Variants in STRN observed in about 807,000 individuals in gnomAD.
STRN encodes the protein striatin, also known as protein phosphatase 2 regulatory subunit B'''alpha.
Under a neutral mutation model 96.3 loss-of-function variants are expected in STRN, and 53 were observed. The ratio of observed to expected loss-of-function variants is 0.55; its 90% CI spans 0.44 to 0.69. The LOEUF (loss-of-function observed/expected upper bound fraction) is 0.69. Ranked by LOEUF, STRN falls within the 30% of genes least tolerant of loss-of-function variation. The pLI, the probability that STRN is intolerant of heterozygous loss-of-function variation, is 0.00. For missense variants in STRN, 987 were observed against 963.9 expected (o/e 1.02, Z -0.32); for synonymous variants, 428 against 355.9 (o/e 1.20, Z -2.28).
chr2:36,905,858 T>A (rs1208672252), intron 3 of STRN, among the ~76,000 whole-genome samples: 2 of 152,206 alleles, frequency 1.3e-5, no homozygotes, highest in African/African-American at 4.8e-5. Context: ...AAATACATTT[T>A]CCCTGTCTTT....
At chr2:36,959,117 A>G (rs560064043) in intron 1 of STRN, among the ~76,000 whole-genome samples, 88 of 152,316 alleles carry the variant, frequency 5.8e-4, no homozygotes, top group African/African-American at 1.9e-3. Context: ...CTCCATCTCA[A>G]AAAAAGAAAA....
chr2:36,891,788 T>C (rs1369803612), intron 7 of STRN, among the ~76,000 whole-genome samples: 1 of 152,212 alleles, frequency 6.6e-6, no homozygotes, highest in Admixed American at 6.5e-5. Flanking sequence ...TAGGAAACCT[T>C]TTCCTTGAAC....
chr2:36,943,459 G>C (rs994802644), intron 1 of STRN, among the ~76,000 whole-genome samples: 2 of 151,840 alleles, frequency 1.3e-5, no homozygotes. Context: ...ATTGTTCTAA[G>C]TATTATATTT....
chr2:36,896,817 T>A (rs1306183254), intron 6 of STRN, among the ~76,000 whole-genome samples: 1 of 152,224 alleles, frequency 6.6e-6, no homozygotes, highest in Non-Finnish European at 1.5e-5. Context: ...GCATGTATAA[T>A]CTCAGAGTTG....
chr2:36,891,111 G>T (rs1387501951), intron 7 of STRN, among the ~76,000 whole-genome samples: 2 of 152,144 alleles, frequency 1.3e-5, no homozygotes, highest in Non-Finnish European at 2.9e-5. Flanking sequence ...AAATATCATG[G>T]CAGTGCTCAA....
intron 6 of STRN, among the ~76,000 whole-genome samples, chr2:36,897,417 T>A (rs1294060086): frequency 6.7e-6 from 1 of 149,072 alleles, no homozygotes; most frequent in African/African-American, 2.5e-5. Flanking sequence ...AATATTTTTT[T>A]CCAAAAAAAA....
At chr2:36,954,443 C>T (rs1664832701) in intron 1 of STRN, among the ~76,000 whole-genome samples, 1 of 147,858 alleles carries the variant, frequency 6.8e-6, no homozygotes, top group African/African-American at 2.5e-5. Context: ...ACCCAGTAGG[C>T]AGAGGTTGCA....
chr2:36,931,933 G>A lies in STRN; in HGVS notation c.235-6725C>T, dbSNP rs561504259. Among the ~76,000 whole-genome samples, 37 of 151,882 alleles carry A rather than the reference G, an allele frequency of 2.4e-4. No individual in the cohort carries two copies. The South Asian group carries it at 7.3e-3, about 30-fold the overall frequency. On this transcript the variant is annotated intron_variant, in intron 1 of 17. Transcript: ENST00000263918. ...AATCCTGAACTCAATCAATTCTCCC[G>A]CCTCAGCCTCCCAAGTTGCTGGGAC...
intron 1 of STRN, among the ~76,000 whole-genome samples, chr2:36,959,788 T>G (rs1332003556): frequency 6.6e-6 from 1 of 152,096 alleles, no homozygotes; most frequent in African/African-American, 2.4e-5. Flanking sequence ...AAAAAACAAC[T>G]AAAGCAGTGG....
Position 36,848,341 on chromosome 2 carries a change from T to C in STRN, c.*1115A>G, listed in dbSNP as rs888584527. On this transcript the variant is annotated 3_prime_UTR_variant, in exon 18 of 18. Coordinates refer to ENST00000263918, the MANE Select transcript of STRN (RefSeq NM_003162.4). ...AATAGAGGACTTCTAGGGTACAAAA[T>C]ATTTGTTTTTATTAGTGCTTCTGCA... is the stretch of plus-strand genomic sequence containing the variant. The C allele has an allele frequency of 3.9e-5, 6 of 152,202 alleles. No homozygotes were observed. Among genetic ancestry groups the C allele is most frequent in the Non-Finnish European group, 7.3e-5 (5 of 68,040 alleles). 9.4% of individuals were successfully genotyped at this position (152,202 alleles called of 1,614,324 possible).
chr2:36,861,481 C>T (rs148151089), intron 12 of STRN, among the ~76,000 whole-genome samples: 23 of 152,216 alleles, frequency 1.5e-4, no homozygotes, highest in African/African-American at 5.3e-4. Flanking sequence ...TGTTTCTGTA[C>T]AGTCCTCAAG....
intron 1 of STRN, among the ~76,000 whole-genome samples, chr2:36,954,775 T>C (rs375178680): frequency 2.0e-5 from 3 of 152,010 alleles, no homozygotes; most frequent in African/African-American, 7.2e-5. Context: ...ATAACTGGGA[T>C]TGCAGGCATG....
At chr2:36,930,563 G>C (rs1670545769) in intron 1 of STRN, among the ~76,000 whole-genome samples, 1 of 152,036 alleles carries the variant, frequency 6.6e-6, no homozygotes, top group African/African-American at 2.4e-5. Context: ...GTCTGGAGTG[G>C]GGCCCAAGAA....
chr2:36,847,491 T>C lies in STRN; in HGVS notation c.*1965A>G, dbSNP rs558904606. 1 of 152,246 alleles carries C rather than the reference T, an allele frequency of 6.6e-6. No homozygotes were observed. Among genetic ancestry groups the C allele is most frequent in the South Asian group, 2.1e-4 (1 of 4,828 alleles). 9.4% of individuals were successfully genotyped at this position (152,246 alleles called of 1,614,324 possible). On this transcript the variant is annotated 3_prime_UTR_variant, in exon 18 of 18. Coordinates refer to ENST00000263918, the MANE Select transcript of STRN (RefSeq NM_003162.4). ...ACCAAAAGAAATTTACTGAACACAA[T>C]ATGGAATTCTGTATCTGCATGGAAA...
chr2:36,849,743 T>A lies in STRN; in HGVS notation c.2144A>T (p.Asp715Val), dbSNP rs1668173836. 1.2e-6 allele frequency: 2 copies of A among 1,614,026 alleles called. No individual in the cohort carries two copies. The change falls in exon 17 of 18, where the codon GAT (aspartate) becomes GTT (valine). Residue 715 changes from aspartate to valine, a missense_variant. Asp to Val is a radical substitution (Grantham distance 152). Coordinates refer to ENST00000263918, the MANE Select transcript of STRN (RefSeq NM_003162.4). ...AGACATCAAGTAAAGGCCATTGGGA[T>A]CAACTGCTAAACTTGTAACAGCTTC... ...HLEAVTSLAV[D>V]PNGLYLMSGS...
At chr2:36,954,630 AACC>A (rs906933616) in intron 1 of STRN, among the ~76,000 whole-genome samples, 1 of 151,520 alleles carries the variant, frequency 6.6e-6, no homozygotes, top group Non-Finnish European at 1.5e-5. Flanking sequence ...GAAATGAGAG[AACC>A]ACTTTTTTTT....
At chr2:36,854,133 A>C (rs1668285653) in intron 15 of STRN, among the ~76,000 whole-genome samples, 1 of 152,200 alleles carries the variant, frequency 6.6e-6, no homozygotes, top group Non-Finnish European at 1.5e-5. Flanking sequence ...CAGGATGTTC[A>C]CAAATTGGCC....
At chr2:36,957,360 G>A (rs1352495498) in intron 1 of STRN, among the ~76,000 whole-genome samples, 2 of 152,196 alleles carry the variant, frequency 1.3e-5, no homozygotes, top group African/African-American at 4.8e-5. Context: ...GGCGGAGGCG[G>A]GCAGATCACT....
At chr2:36,949,594 T>C (rs1664701992) in intron 1 of STRN, among the ~76,000 whole-genome samples, 1 of 152,192 alleles carries the variant, frequency 6.6e-6, no homozygotes, top group Admixed American at 6.6e-5. Flanking sequence ...TGATTAAAAA[T>C]GGATTTTAAA....
Sources: allele counts gnomAD v4.1 joint callset (sites outside exome capture counted in the v4.1 genomes callset), GRCh38; gene constraint gnomAD v4.1.1; transcripts MANE v1.5; gene names NCBI Gene and HGNC (gene_info 2026-07-23, HGNC 2026-07-21).